The following SORT1 variants were observed in gnomAD, a reference collection of about 807,000 sequenced individuals.
SORT1 encodes the protein sortilin 1, also known as sortilin.
Under a neutral mutation model 101.7 loss-of-function variants are expected in SORT1, and 39 were observed. That is an observed-to-expected ratio of 0.38 (90% CI 0.30 to 0.50). The LOEUF is 0.50. SORT1 is among the 20% of genes least tolerant of loss of function. The probability of loss-of-function intolerance (pLI) is 0.90; values close to 1 mark genes in which losing one functional copy is unlikely to be tolerated. For synonymous variants in SORT1, 396 were observed against 393.7 expected (o/e 1.01, Z -0.07); for missense variants, 878 against 1,040.4 (o/e 0.84, Z 2.15).
chr1:109,348,887 T>G (rs1264480568), intron 6 of SORT1, among the ~76,000 whole-genome samples: 1 of 152,036 alleles, frequency 6.6e-6, no homozygotes, highest in Non-Finnish European at 1.5e-5. Flanking sequence ...GAGGATCACT[T>G]GAGCCCAGGA....
At chr1:109,387,034 T>C (rs1197934775) in intron 1 of SORT1, among the ~76,000 whole-genome samples, 3 of 152,230 alleles carry the variant, frequency 2.0e-5, no homozygotes, top group Non-Finnish European at 4.4e-5. Flanking sequence ...CTCATGCCTG[T>C]AATCCCAGCA....
intron 13 of SORT1, among the ~76,000 whole-genome samples, chr1:109,325,532 A>G (rs1425990926): frequency 1.3e-5 from 2 of 151,924 alleles, no homozygotes; most frequent in African/African-American, 4.8e-5. Context: ...GAGCCACCGC[A>G]CCCAGCCAAC....
intron 1 of SORT1, among the ~76,000 whole-genome samples, chr1:109,392,192 A>C (rs1432594442): frequency 2.0e-5 from 3 of 152,016 alleles, no homozygotes; most frequent in Non-Finnish European, 2.9e-5. Context: ...AACAAACGTT[A>C]CTCCCCCGTC....
chr1:109,353,846 G>C (rs1244111152), intron 5 of SORT1, among the ~76,000 whole-genome samples: 1 of 152,176 alleles, frequency 6.6e-6, no homozygotes, highest in Non-Finnish European at 1.5e-5. Context: ...GAAGTGGGAG[G>C]GTTAGGGAAA....
chr1:109,332,911 CAGA>C (rs1216920512), intron 11 of SORT1, among the ~76,000 whole-genome samples: 2 of 152,130 alleles, frequency 1.3e-5, no homozygotes, highest in African/African-American at 2.4e-5. Context: ...TATCTATATG[CAGA>C]AGAATAAATT....
chr1:109,386,263 T>C (rs918399912), intron 1 of SORT1, among the ~76,000 whole-genome samples: 4 of 152,186 alleles, frequency 2.6e-5, no homozygotes, highest in African/African-American at 9.7e-5. Context: ...GAAGGACTCA[T>C]AGTACAAGCT....
chr1:109,327,758 G>T (rs184627325), intron 11 of SORT1, among the ~76,000 whole-genome samples, 157 bp from the exon 12 acceptor site: 11 of 152,304 alleles, frequency 7.2e-5, no homozygotes, highest in African/African-American at 2.4e-4. Flanking sequence ...GTATAGTTCA[G>T]TAGTGTTAAG....
intron 15 of SORT1, among the ~76,000 whole-genome samples, chr1:109,319,140 T>C (rs1647447991): frequency 1.3e-5 from 2 of 152,186 alleles, no homozygotes; most frequent in South Asian, 4.1e-4. Flanking sequence ...CACGGCAAAT[T>C]TTTCTGTCTT....
At chr1:109,336,857 C>T (rs1648870450) in intron 10 of SORT1, among the ~76,000 whole-genome samples, 1 of 151,416 alleles carries the variant, frequency 6.6e-6, no homozygotes, top group Non-Finnish European at 1.5e-5. Context: ...CCCACCTGAA[C>T]AGGACCCAAT....
At chr1:109,384,509 T>C (rs976142336) in intron 1 of SORT1, among the ~76,000 whole-genome samples, 11 of 152,202 alleles carry the variant, frequency 7.2e-5, no homozygotes, top group African/African-American at 2.4e-4. Context: ...ATTAAGTTTA[T>C]AATCCAGGAC....
intron 1 of SORT1, among the ~76,000 whole-genome samples, chr1:109,378,699 G>GAT (rs58847953): frequency 1.1e-4 from 4 of 35,578 alleles, no homozygotes; most frequent in East Asian, 1.1e-3. Context: ...TAGAGTGAAT[G>GAT]ATATATATAT....
At chr1:109,325,496 T>C (rs1205283843) in intron 13 of SORT1, among the ~76,000 whole-genome samples, 1 of 151,940 alleles carries the variant, frequency 6.6e-6, no homozygotes, top group Non-Finnish European at 1.5e-5. Context: ...CACCTTGGCC[T>C]CCCAAAGTGC....
intron 8 of SORT1, among the ~76,000 whole-genome samples, chr1:109,344,259 C>G (rs970125694): frequency 6.6e-5 from 10 of 152,366 alleles, no homozygotes; most frequent in African/African-American, 2.4e-4. Context: ...GTGCCCCTGT[C>G]AGGCTGTTCT....
At chr1:109,338,124 C>T (rs1648960297) in intron 10 of SORT1, among the ~76,000 whole-genome samples, 1 of 152,086 alleles carries the variant, frequency 6.6e-6, no homozygotes, top group Admixed American at 6.5e-5. Context: ...GAGGCGAGGG[C>T]AAACTGGAAT....
rs150999726 is a variant in SORT1, at chr1:109,316,225, C to CT, written c.2250+624dup. Among the ~76,000 whole-genome samples the CT allele has an allele frequency of 2.1e-3, 307 of 147,942 alleles. 2 individuals are homozygous for CT. The highest frequency in any genetic ancestry group is 7.0e-3 in the African/African-American group (283 of 40,356). Reference sequence around the variant, plus strand: ...CAGGTCATGGCCCTTCACAGACAACCTTTTTTTTTTGGTACGGAGTCTTGC... The same window carrying CT: ...CAGGTCATGGCCCTTCACAGACAACCTTTTTTTTTTTGGTACGGAGTCTTGC... On this transcript the variant is annotated intron_variant, in intron 17 of 19. Coordinates refer to ENST00000256637, the MANE Select transcript of SORT1 (RefSeq NM_002959.7).
At chr1:109,357,944 C>A (rs757430025) in intron 3 of SORT1, among the ~76,000 whole-genome samples, 1 of 152,214 alleles carries the variant, frequency 6.6e-6, no homozygotes, top group Non-Finnish European at 1.5e-5. Context: ...CATGTATCAT[C>A]AACAGCTCTG....
chr1:109,344,160 C>T (rs1051287354), intron 8 of SORT1, among the ~76,000 whole-genome samples: 4 of 152,200 alleles, frequency 2.6e-5, no homozygotes, highest in Non-Finnish European at 5.9e-5. Flanking sequence ...CCACCTGCCC[C>T]CTTACCCACT....
chr1:109,394,550 T>C (rs1653088762), intron 1 of SORT1, among the ~76,000 whole-genome samples: 1 of 152,214 alleles, frequency 6.6e-6, no homozygotes, highest in South Asian at 2.1e-4. Flanking sequence ...ATAAACGCAC[T>C]ATTATGCTTT....
chr1:109,378,169 C>G (rs533265463), intron 1 of SORT1, among the ~76,000 whole-genome samples: 1 of 151,866 alleles, frequency 6.6e-6, no homozygotes, highest in African/African-American at 2.4e-5. Flanking sequence ...CCCAGGAATT[C>G]GAAGCTGCAG....
Sources: allele counts gnomAD v4.1 joint callset (sites outside exome capture counted in the v4.1 genomes callset), GRCh38; gene constraint gnomAD v4.1.1; transcripts MANE v1.5; gene names NCBI Gene and HGNC (gene_info 2026-07-23, HGNC 2026-07-21).